Variants in ERC1 observed in about 807,000 individuals in gnomAD.
ERC1 encodes RAB6 interacting protein 2.
A neutral mutation model predicts 132.0 loss-of-function variants in ERC1; 56 were observed. The observed-to-expected ratio is 0.42, with a 90% CI of 0.34 to 0.53. The LOEUF (loss-of-function observed/expected upper bound fraction) is 0.53, where lower values mean the gene tolerates loss of function less well. Ranked by LOEUF, ERC1 falls within the 20% of genes least tolerant of loss-of-function variation. The pLI is 0.03. For synonymous variants in ERC1, 478 were observed against 476.1 expected, an observed-to-expected ratio of 1.00 and a Z score of -0.05; for missense variants, 1,202 against 1,349.9, an observed-to-expected ratio of 0.89 and a Z score of 1.72.
At chr12:1,421,523 G>T (rs193027597) in intron 17 of ERC1, among the ~76,000 whole-genome samples, 1 of 152,118 alleles carries the variant, frequency 6.6e-6, no homozygotes, top group African/African-American at 2.4e-5. Flanking sequence ...TCACAAGACC[G>T]GTTGAGTCAG....
intron 18 of ERC1, among the ~76,000 whole-genome samples, chr12:1,454,441 G>C (rs1217948361): frequency 6.6e-6 from 1 of 152,184 alleles, no homozygotes; most frequent in Admixed American, 6.5e-5. Flanking sequence ...AGAAGCACAG[G>C]TCACAACCTG....
At chr12:1,132,483 C>A (rs1477798912) in intron 7 of ERC1, among the ~76,000 whole-genome samples, 1 of 152,116 alleles carries the variant, frequency 6.6e-6, no homozygotes. Flanking sequence ...CTCTCAGTGC[C>A]GTGCGGGTAT....
chr12:1,357,933 C>T (rs2085699476), intron 15 of ERC1, among the ~76,000 whole-genome samples: 1 of 152,124 alleles, frequency 6.6e-6, no homozygotes, highest in Non-Finnish European at 1.5e-5. Context: ...TTGAGTAAAT[C>T]CCTAACAGAA....
intron 12 of ERC1, among the ~76,000 whole-genome samples, chr12:1,194,553 G>A (rs1956043243): frequency 6.6e-6 from 1 of 152,112 alleles, no homozygotes; most frequent in Non-Finnish European, 1.5e-5. Context: ...CCATGTTATA[G>A]CACCACCCTG....
chr12:1,107,761 C>T (rs752840774), intron 4 of ERC1, among the ~76,000 whole-genome samples: 11 of 152,132 alleles, frequency 7.2e-5, no homozygotes, highest in African/African-American at 1.7e-4. Context: ...GGAGTATGAG[C>T]TTTCCATAAA....
intron 1 of ERC1, among the ~76,000 whole-genome samples, chr12:1,026,891 A>G (rs1183350629): frequency 6.6e-6 from 1 of 152,210 alleles, no homozygotes; most frequent in African/African-American, 2.4e-5. Context: ...GAGTTACTTG[A>G]AAAATCCTTC....
intron 2 of ERC1, among the ~76,000 whole-genome samples, chr12:1,053,430 T>G (rs1333532719): frequency 6.6e-6 from 1 of 152,212 alleles, no homozygotes; most frequent in Non-Finnish European, 1.5e-5. Flanking sequence ...TATATTCTCA[T>G]GAAGAGTGTA....
intron 14 of ERC1, 75 bp downstream of exon 14, chr12:1,263,240 T>C (rs1308089836): frequency 2.8e-6 from 4 of 1,450,860 alleles, no homozygotes; most frequent in Non-Finnish European, 3.8e-6. Context: ...ATAGTTTAGG[T>C]AAACTATACA....
chr12:1,004,133 C>T (rs148829060), intron 1 of ERC1, among the ~76,000 whole-genome samples: 1 of 152,222 alleles, frequency 6.6e-6, no homozygotes, highest in Non-Finnish European at 1.5e-5. Context: ...CTCCAAGACT[C>T]AGATAAGCTG....
intron 16 of ERC1, among the ~76,000 whole-genome samples, chr12:1,402,614 AACACACACACACAC>A (rs56777839): frequency 6.9e-6 from 1 of 144,896 alleles, no homozygotes; most frequent in South Asian, 2.2e-4. Flanking sequence ...TGTAACCCCC[AACACACACACACAC>A]ACACACACAC....
Position 1,130,001 on chromosome 12 carries a change from A to G in ERC1, c.1570-11619A>G, listed in dbSNP as rs188151492. Among the ~76,000 whole-genome samples, 36 of 152,348 alleles carry G rather than the reference A, an allele frequency of 2.4e-4. No homozygotes were observed. The East Asian group carries it at 5.6e-3, about 24-fold the overall frequency. On this transcript the variant is annotated intron_variant, in intron 7 of 18. Coordinates refer to ENST00000360905, the MANE Select transcript of ERC1 (RefSeq NM_178040.4). ...AGGTGAGGAATTTCAGAGAAAGATC[A>G]CAAAAGGAAGAGCTTGTCTGTTGCT... is the stretch of plus-strand genomic sequence containing the variant.
chr12:1,031,058 A>G (rs1169717348), intron 2 of ERC1, among the ~76,000 whole-genome samples: 1 of 152,154 alleles, frequency 6.6e-6, no homozygotes, highest in Non-Finnish European at 1.5e-5. Context: ...CATTCTTACT[A>G]TTATGCAGTC....
At chr12:1,432,514 T>G (rs2092826578) in intron 17 of ERC1, among the ~76,000 whole-genome samples, 1 of 152,068 alleles carries the variant, frequency 6.6e-6, no homozygotes, top group Non-Finnish European at 1.5e-5. Context: ...AAGGATAACT[T>G]GTCTTTACAT....
intron 3 of ERC1, among the ~76,000 whole-genome samples, chr12:1,100,816 C>T (rs1342235098): frequency 2.6e-5 from 4 of 152,064 alleles, no homozygotes; most frequent in African/African-American, 4.8e-5. Context: ...AGGAGGTAAA[C>T]ATTTGGGAGT....
chr12:1,070,874 C>G (rs1940216675), intron 2 of ERC1, among the ~76,000 whole-genome samples: 1 of 152,146 alleles, frequency 6.6e-6, no homozygotes, highest in Non-Finnish European at 1.5e-5. Context: ...ATCCCTGCCC[C>G]GCAGCACAGG....
rs145901806 is a variant in ERC1 at position 1,434,769 on chromosome 12, T to C, written c.3025-9793T>C. 6.7e-3 allele frequency among the ~76,000 whole-genome samples: 1,021 copies of C among 152,314 alleles called. 12 individuals carry two copies. The highest frequency in any genetic ancestry group is 0.024 in the African/African-American group (989 of 41,562). ...GCTAGTCATGGTCCAGGTTGTGTAA[T>C]CTTGAAACATCAGCCACCATTTGTA... On this transcript the variant is annotated intron_variant, in intron 17 of 18. Transcript: ENST00000360905.
At chr12:1,405,960 A>G (rs936515542) in intron 16 of ERC1, among the ~76,000 whole-genome samples, 5 of 152,196 alleles carry the variant, frequency 3.3e-5, no homozygotes, top group Non-Finnish European at 7.3e-5. Flanking sequence ...ATATACACAC[A>G]TATACACGTA....
intron 2 of ERC1, among the ~76,000 whole-genome samples, chr12:1,039,796 G>A (rs1163913980): frequency 1.3e-5 from 2 of 152,198 alleles, no homozygotes; most frequent in Non-Finnish European, 2.9e-5. Context: ...GCTTGTTAAT[G>A]TTGGGGAACT....
intron 18 of ERC1, among the ~76,000 whole-genome samples, chr12:1,487,656 G>A (rs910636252): frequency 6.7e-6 from 1 of 149,996 alleles, no homozygotes; most frequent in Non-Finnish European, 1.5e-5. Context: ...GGAGGTCGAG[G>A]CCACAGTGAG....
Sources: gnomAD v4.1 joint callset for allele counts (sites outside exome capture counted in the v4.1 genomes callset) on GRCh38, gnomAD v4.1.1 for gene constraint, MANE v1.5 for transcripts, NCBI Gene and HGNC (gene_info 2026-07-23, HGNC 2026-07-21) for gene names.